Variants in MRPS31 observed in about 807,000 individuals in gnomAD.
MRPS31 encodes small ribosomal subunit protein mS31.
Under a neutral mutation model 43.1 loss-of-function variants are expected in MRPS31, and 32 were observed. That is an observed-to-expected ratio of 0.74 (90% CI 0.56 to 1.00). The LOEUF is 1.00. Ranked by LOEUF, MRPS31 falls within the 50% of genes least tolerant of loss-of-function variation. The pLI is 0.00. For missense variants in MRPS31, 437 were observed against 466.7 expected (o/e 0.94, Z 0.59); for synonymous variants, 165 against 161.6 (o/e 1.02, Z -0.16).
rs869057738 is a variant in MRPS31 at position 40,750,751 on chromosome 13, T to TATAC, written c.815-1471_815-1470insGTAT. On this transcript the variant is annotated intron_variant, in intron 5 of 6. Transcript: ENST00000323563. ...GCATTAGTATCCCATTTTATATATA[T>TATAC]ATATATATATATATATATATATTAC... 3.8e-3 allele frequency among the ~76,000 whole-genome samples: 504 copies of TATAC among 131,548 alleles called. 3 individuals are homozygous for TATAC. Among genetic ancestry groups the TATAC allele is most frequent in the Non-Finnish European group, 6.3e-3 (405 of 64,570 alleles). 86.3% of individuals were successfully genotyped at this position (131,548 alleles called of 152,430 possible).
chr13:40,749,344 C>A (rs1880326294), intron 5 of MRPS31, 63 bp from the exon 6 acceptor site: 3 of 1,346,060 alleles, frequency 2.2e-6, no homozygotes, highest in Non-Finnish European at 3.0e-6. Flanking sequence ...TTAAAAGTTA[C>A]AACCAATCCT....
intron 1 of MRPS31, 70 bp from the exon 2 acceptor site, chr13:40,767,103 A>G (rs140943723): frequency 9.6e-6 from 12 of 1,253,792 alleles, no homozygotes; most frequent in Non-Finnish European, 1.3e-5. Flanking sequence ...AAACTTACTT[A>G]CAATAAAGTA....
At chr13:40,749,345 A>G (rs1880326380) in intron 5 of MRPS31, 64 bp from the exon 6 acceptor site, 1 of 1,340,838 alleles carries the variant, frequency 7.5e-7, no homozygotes, top group African/African-American at 1.5e-5. Context: ...TAAAAGTTAC[A>G]ACCAATCCTG....
chr13:40,743,866 A>G (rs1196870173), intron 6 of MRPS31, among the ~76,000 whole-genome samples: 1 of 152,238 alleles, frequency 6.6e-6, no homozygotes, highest in East Asian at 1.9e-4. Context: ...GCCCAAAGGA[A>G]TATACATTAT....
At chr13:40,738,967 G>A (rs140245312) in intron 6 of MRPS31, among the ~76,000 whole-genome samples, 6,836 of 152,160 alleles carry the variant, frequency 0.045, 315 homozygotes, top group East Asian at 0.14. Context: ...GAAATAAAGG[G>A]TATTCAATTA....
chr13:40,762,285 C>A (rs1275867824), intron 2 of MRPS31, among the ~76,000 whole-genome samples: 1 of 152,154 alleles, frequency 6.6e-6, no homozygotes, highest in African/African-American at 2.4e-5. Flanking sequence ...ACTGCATACT[C>A]CAACCTCAAG....
chr13:40,767,747 T>C (rs1880891981), intron 1 of MRPS31, among the ~76,000 whole-genome samples: 1 of 152,248 alleles, frequency 6.6e-6, no homozygotes, highest in South Asian at 2.1e-4. Flanking sequence ...AATGACAATT[T>C]ATTATTCTCA....
At position 40,735,672 on chromosome 13, in the gene MRPS31, C is replaced by A. The variant is rs1879877740; in HGVS notation, c.959-6071G>T. On this transcript the variant is annotated intron_variant, in intron 6 of 6. Transcript: ENST00000323563. Reference sequence around the variant, plus strand: ...GGAGGCACCCACCAGCAGGGGCAGACTGACACCTCACACTGCAGGGTACTC... The same window carrying A: ...GGAGGCACCCACCAGCAGGGGCAGAATGACACCTCACACTGCAGGGTACTC... Among the ~76,000 whole-genome samples, 2 of 152,108 alleles carry A rather than the reference C, an allele frequency of 1.3e-5. 1 individual carries two copies. Among genetic ancestry groups the A allele is most frequent in the South Asian group, 4.2e-4 (2 of 4,758 alleles).
chr13:40,740,807 G>T (rs1218631288), intron 6 of MRPS31, among the ~76,000 whole-genome samples: 1 of 107,216 alleles, frequency 9.3e-6, no homozygotes, highest in East Asian at 3.2e-4. Context: ...GAGGGGGGAG[G>T]GATAGCACTG....
At chr13:40,769,645 C>A (rs977559064) in intron 1 of MRPS31, among the ~76,000 whole-genome samples, 2 of 151,652 alleles carry the variant, frequency 1.3e-5, no homozygotes, top group African/African-American at 4.8e-5. Context: ...ATATATGGTA[C>A]AATCTATTTA....
intron 1 of MRPS31, among the ~76,000 whole-genome samples, chr13:40,769,390 A>G (rs1880941812): frequency 1.1e-5 from 1 of 89,650 alleles, no homozygotes; most frequent in Non-Finnish European, 2.0e-5. Context: ...ATATATATAT[A>G]TATATATATA....
Position 40,770,983 on chromosome 13 carries a change from A to G in MRPS31, c.152+2T>C. 6.2e-7 allele frequency: 1 copy of G among 1,614,026 alleles called. No homozygotes were observed. The highest frequency in any genetic ancestry group is 8.5e-7 in the Non-Finnish European group (1 of 1,179,992). ...GGGGCACGGGGTTGCCTGAGGACCT[A>G]CCGGGCCAACAGCGCTGAACTGCGG... On this transcript the variant is annotated splice_donor_variant, in intron 1 of 6. Transcript: ENST00000323563. LOFTEE classifies it high-confidence loss of function.
At chr13:40,754,334 T>C (rs1376187547) in intron 4 of MRPS31, among the ~76,000 whole-genome samples, 1 of 152,208 alleles carries the variant, frequency 6.6e-6, no homozygotes, top group Non-Finnish European at 1.5e-5. Flanking sequence ...AAATACCTAA[T>C]TGAAAAGATT....
intron 2 of MRPS31, among the ~76,000 whole-genome samples, chr13:40,761,514 T>C (rs1306217199): frequency 6.6e-6 from 1 of 152,246 alleles, no homozygotes; most frequent in African/African-American, 2.4e-5. Context: ...ACTCTCTGGC[T>C]TTATAATTTG....
At chr13:40,757,797 G>C (rs1880575147) in intron 3 of MRPS31, among the ~76,000 whole-genome samples, 1 of 149,960 alleles carries the variant, frequency 6.7e-6, no homozygotes, top group African/African-American at 2.5e-5. Flanking sequence ...GCCCAGGCTG[G>C]AGTGCTGTTG....
At chr13:40,763,009 G>C (rs1242456106) in intron 2 of MRPS31, among the ~76,000 whole-genome samples, 1 of 152,152 alleles carries the variant, frequency 6.6e-6, no homozygotes, top group Non-Finnish European at 1.5e-5. Flanking sequence ...TCATACTAGT[G>C]AAACACCAGA....
At chr13:40,751,993 T>C (rs1389523337) in intron 5 of MRPS31, among the ~76,000 whole-genome samples, 1 of 152,148 alleles carries the variant, frequency 6.6e-6, no homozygotes, top group African/African-American at 2.4e-5. Context: ...CTCTTTTGGC[T>C]GGACAACAGC....
At chr13:40,738,512 T>C (rs1879988881) in intron 6 of MRPS31, among the ~76,000 whole-genome samples, 5 of 151,570 alleles carry the variant, frequency 3.3e-5, no homozygotes, top group Admixed American at 3.3e-4. Context: ...CCAATATCCT[T>C]GATGAACATT....
rs986319692 is a variant in MRPS31, at chr13:40,729,249, G to T, written c.*123C>A. ...TTACCATCATATTTTTGAAAACAAT[G>T]TAACATTTATACCAGCCAAATCAAA... On this transcript the variant is annotated 3_prime_UTR_variant, in exon 7 of 7. Coordinates refer to ENST00000323563, the MANE Select transcript of MRPS31 (RefSeq NM_005830.4). The T allele has an allele frequency of 1.8e-6, 1 of 561,630 alleles. No homozygotes were observed. The highest frequency in any genetic ancestry group is 3.0e-6 in the Non-Finnish European group (1 of 329,556). 34.8% of individuals were successfully genotyped at this position (561,630 alleles called of 1,614,324 possible). A position where few individuals can be genotyped will look rare whatever the true frequency, so the allele number is the denominator to read the frequency against.
Sources: allele counts gnomAD v4.1 joint callset (sites outside exome capture counted in the v4.1 genomes callset), GRCh38; gene constraint gnomAD v4.1.1; transcripts MANE v1.5; gene names NCBI Gene and HGNC (gene_info 2026-07-23, HGNC 2026-07-21).